RIN2: variants seen among roughly 807,000 people sequenced by gnomAD.
The protein encoded by RIN2 is Ras and Rab interactor 2.
RIN2 carries 36 observed loss-of-function variants against 78.0 expected under a neutral mutation model. The ratio of observed to expected loss-of-function variants is 0.46; its 90% CI spans 0.35 to 0.61. RIN2 has a LOEUF of 0.61. RIN2 is among the 20% of genes least tolerant of loss of function. The pLI is 0.00. For missense variants in RIN2, 1,087 were observed against 1,159.7 expected, an observed-to-expected ratio of 0.94 and a Z score of 0.91; for synonymous variants, 466 against 466.8, an observed-to-expected ratio of 1.00 and a Z score of 0.02.
intron 3 of RIN2, among the ~76,000 whole-genome samples, chr20:19,906,924 G>A (rs969199618): frequency 6.6e-5 from 10 of 152,142 alleles, no homozygotes; most frequent in Non-Finnish European, 1.2e-4. Flanking sequence ...GTCTTAGACT[G>A]TTTTCTGCCG....
chr20:19,831,159 C>T (rs1170107210), intron 2 of RIN2, among the ~76,000 whole-genome samples: 2 of 152,204 alleles, frequency 1.3e-5, no homozygotes, highest in African/African-American at 2.4e-5. Flanking sequence ...CCAGGGCACC[C>T]AATTCACCTT....
chr20:19,851,393 A>G (rs1189639477), intron 2 of RIN2, among the ~76,000 whole-genome samples: 1 of 152,162 alleles, frequency 6.6e-6, no homozygotes, highest in Non-Finnish European at 1.5e-5. Context: ...GTTTCCAGCC[A>G]CTGGGTAGGC....
chr20:19,884,985 G>T (rs2038134932), intron 2 of RIN2, among the ~76,000 whole-genome samples: 2 of 152,144 alleles, frequency 1.3e-5, no homozygotes, highest in Non-Finnish European at 2.9e-5. Context: ...ACGAGGTCTT[G>T]TTTACTGAGA....
At chr20:19,890,449 G>A (rs1449941982) in intron 3 of RIN2, among the ~76,000 whole-genome samples, 1 of 152,038 alleles carries the variant, frequency 6.6e-6, no homozygotes. Context: ...GTTTAAAAAG[G>A]TAGAAAAATG....
At chr20:19,934,568 A>G (rs2040560359) in intron 3 of RIN2, 1 of 984,610 alleles carries the variant, frequency 1.0e-6, no homozygotes, top group Admixed American at 6.1e-5. Flanking sequence ...TTCTCTCCAC[A>G]GCAGTGCAAA....
intron 2 of RIN2, among the ~76,000 whole-genome samples, chr20:19,855,892 G>C (rs1365770752): frequency 1.3e-5 from 2 of 152,144 alleles, no homozygotes; most frequent in African/African-American, 4.8e-5. Context: ...TGGCCAACAT[G>C]GTGAAACCCT....
chr20:19,852,877 C>A (rs1034207658), intron 2 of RIN2, among the ~76,000 whole-genome samples: 1 of 151,760 alleles, frequency 6.6e-6, no homozygotes, highest in Non-Finnish European at 1.5e-5. Context: ...ATATCATTTG[C>A]CATCCTTTTT....
At chr20:19,872,600 G>C (rs1411454064) in intron 2 of RIN2, among the ~76,000 whole-genome samples, 1 of 152,090 alleles carries the variant, frequency 6.6e-6, no homozygotes, top group African/African-American at 2.4e-5. Flanking sequence ...CAGCTTCCTT[G>C]ACCTCAAGTG....
rs56268489 is a variant in RIN2, at chr20:19,980,044, C to CAAAA, written c.1762+4276_1762+4279dup. The stretch of plus-strand genomic sequence containing the variant: ...GGGCAACAAGAGTGAAACTCCATCT[C>CAAAA]AAAAAAAAAAAAAAAAAAAAAACTC... On this transcript the variant is annotated intron_variant, in intron 9 of 12. Transcript: ENST00000255006. Among the ~76,000 whole-genome samples, 186 of 72,690 alleles carry CAAAA rather than the reference C, an allele frequency of 2.6e-3. 13 individuals carry two copies. The highest frequency in any genetic ancestry group is 4.6e-3 in the South Asian group (7 of 1,506). 47.7% of individuals were successfully genotyped at this position (72,690 alleles called of 152,430 possible).
chr20:19,884,839 C>CT (rs1339419689), intron 2 of RIN2, among the ~76,000 whole-genome samples: 4 of 152,222 alleles, frequency 2.6e-5, no homozygotes, highest in Non-Finnish European at 5.9e-5. Flanking sequence ...GATGACCTGT[C>CT]TCCCTGGGAG....
chr20:19,775,566 C>T (rs1370702998), intron 1 of RIN2, among the ~76,000 whole-genome samples: 1 of 152,244 alleles, frequency 6.6e-6, no homozygotes, highest in Admixed American at 6.5e-5. Context: ...ATGTGTGTCA[C>T]TCATATACTT....
chr20:19,838,765 G>T (rs950494671), intron 2 of RIN2, among the ~76,000 whole-genome samples: 1 of 152,286 alleles, frequency 6.6e-6, no homozygotes, highest in East Asian at 1.9e-4. Flanking sequence ...AGCTTGGCAA[G>T]TCTCTGCACA....
At chr20:19,881,258 A>G (rs1279232560) in intron 2 of RIN2, among the ~76,000 whole-genome samples, 2 of 152,202 alleles carry the variant, frequency 1.3e-5, no homozygotes, top group Non-Finnish European at 2.9e-5. Context: ...GAAACCAGCC[A>G]TGATGGGAGT....
chr20:19,936,367 G>A (rs1302415587), intron 4 of RIN2, among the ~76,000 whole-genome samples: 1 of 152,124 alleles, frequency 6.6e-6, no homozygotes, highest in African/African-American at 2.4e-5. Flanking sequence ...GTGACTCTCT[G>A]CCTCACCTCC....
chr20:19,876,917 A>C (rs1413840265), intron 2 of RIN2, among the ~76,000 whole-genome samples: 3 of 151,870 alleles, frequency 2.0e-5, no homozygotes, highest in Admixed American at 6.6e-5. Flanking sequence ...AAAAAAACAA[A>C]AAACAAACAA....
At chr20:19,868,144 G>A (rs1339028150) in intron 2 of RIN2, among the ~76,000 whole-genome samples, 4 of 152,188 alleles carry the variant, frequency 2.6e-5, no homozygotes, top group Admixed American at 6.5e-5. Flanking sequence ...TATGCACCAC[G>A]GCTCTTCTGA....
chr20:19,793,495 C>T (rs1391742258), intron 1 of RIN2, among the ~76,000 whole-genome samples: 1 of 151,310 alleles, frequency 6.6e-6, no homozygotes, highest in Admixed American at 6.6e-5. Context: ...TTCTCTAGTA[C>T]AATTAATTTA....
In RIN2 at chr20:19,865,264, A is replaced by T. The variant is rs6035461; in HGVS notation, c.-36-24302A>T. Among the ~76,000 whole-genome samples the T allele has an allele frequency of 8.3e-3, 1,264 of 152,272 alleles. 21 individuals are homozygous for T. The highest frequency in any genetic ancestry group is 0.029 in the African/African-American group (1,197 of 41,544). On this transcript the variant is annotated intron_variant, in intron 2 of 12. Coordinates refer to ENST00000255006, the MANE Select transcript of RIN2 (RefSeq NM_018993.4). ...AGCATGTCATCAGGTGTGTGCTATG[A>T]CATATTTTCTATACAGTATAGTCAC...
At chr20:19,965,088 G>A in intron 7 of RIN2, 64 bp downstream of exon 7, 1 of 1,359,366 alleles carries the variant, frequency 7.4e-7, no homozygotes, top group Non-Finnish European at 1.0e-6. Flanking sequence ...TAATTAACCT[G>A]AGGTTTCTTG....
Sources: allele counts gnomAD v4.1 joint callset (sites outside exome capture counted in the v4.1 genomes callset), GRCh38; gene constraint gnomAD v4.1.1; transcripts MANE v1.5; gene names NCBI Gene and HGNC (gene_info 2026-07-23, HGNC 2026-07-21).